The following NBPF9 variants were observed in gnomAD, a reference collection of about 807,000 sequenced individuals.
The protein encoded by NBPF9 is NBPF member 9, also known as NBPF family member NBPF9.
Under a neutral mutation model 97.8 loss-of-function variants are expected in NBPF9, and 91 were observed. That is an observed-to-expected ratio of 0.93 (90% CI 0.79 to 1.11). The LOEUF is 1.11. Ranked by LOEUF, NBPF9 falls within the 50% of genes least tolerant of loss-of-function variation. The pLI is 0.00. For synonymous variants in NBPF9, 334 were observed against 359.5 expected, an observed-to-expected ratio of 0.93 and a Z score of 0.80; for missense variants, 992 against 939.5, an observed-to-expected ratio of 1.06 and a Z score of -0.73.
exon 30 of NBPF9, chr1:149,055,355 A>C (rs1263234824): frequency 3.4e-6 from 2 of 587,332 alleles, no homozygotes; most frequent in Non-Finnish European, 5.8e-6. Context: ...ATGTCTGCAA[A>C]ATGAAATCCC....
At chr1:149,072,589 T>C in intron 14 of NBPF9, 129 bp downstream of exon 14, 1 of 1,433,394 alleles carries the variant, frequency 7.0e-7, no homozygotes, top group Non-Finnish European at 9.7e-7. Flanking sequence ...GAAGTCCTTG[T>C]CATGTCATGG....
chr1:149,097,076 G>A (rs587720911), intron 4 of NBPF9, among the ~76,000 whole-genome samples: 1 of 135,972 alleles, frequency 7.4e-6, no homozygotes, highest in South Asian at 2.3e-4. Flanking sequence ...GAAGGAGGAA[G>A]GGAGGAAGGA....
chr1:149,084,246 T>C (rs1553657762), intron 5 of NBPF9, among the ~76,000 whole-genome samples: 2 of 146,096 alleles, frequency 1.4e-5, no homozygotes, highest in African/African-American at 5.0e-5. Context: ...CACACGTATA[T>C]ATATATAATA....
At chr1:149,084,521 A>C (rs1428477287) in intron 5 of NBPF9, among the ~76,000 whole-genome samples, 1 of 147,546 alleles carries the variant, frequency 6.8e-6, no homozygotes, top group Admixed American at 6.7e-5. Flanking sequence ...ACCTGCATCG[A>C]GCTCTCCGCC....
intron 3 of NBPF9, among the ~76,000 whole-genome samples, chr1:149,099,908 A>G (rs1232535324): frequency 2.0e-5 from 3 of 149,634 alleles, no homozygotes; most frequent in Non-Finnish European, 3.0e-5. Context: ...CTTGAGCCTG[A>G]GAGGTCAAGG....
chr1:149,075,758 C>A, exon 12 of NBPF9: 1 of 1,586,006 alleles, frequency 6.3e-7, no homozygotes, highest in Middle Eastern at 2.0e-4. Flanking sequence ...GCTGGGGGCG[C>A]AATTTCTCAT....
At chr1:149,059,789 C>T in exon 25 of NBPF9, 1 of 529,240 alleles carries the variant, frequency 1.9e-6, no homozygotes. Context: ...TTTTCTTCCC[C>T]TTCCCCTTCT....
Position 149,073,612 on chromosome 1 carries a change from TTC to T in NBPF9, c.1091+154_1091+155del, listed in dbSNP as rs1209640933. Among the ~76,000 whole-genome samples the T allele has an allele frequency of 1.3e-5, 2 of 150,418 alleles. 1 individual carries two copies. Among genetic ancestry groups the T allele is most frequent in the Non-Finnish European group, 3.0e-5 (2 of 67,452 alleles). On this transcript the variant is annotated intron_variant, in intron 13 of 29. Transcript: ENST00000584027. ...AACCCATACATTTTTATTATCCTTC[TTC>T]TCTGTTTGATAAATATTTGTGTGTA...
chr1:149,062,446 A>T (rs1395329649), intron 21 of NBPF9, among the ~76,000 whole-genome samples, 181 bp from the exon 22 acceptor site: 2 of 144,230 alleles, frequency 1.4e-5, no homozygotes, highest in African/African-American at 2.6e-5. Context: ...AAAGAATGAA[A>T]GAGAAAGACA....
chr1:149,070,620 G>A (rs1334093707), intron 16 of NBPF9, among the ~76,000 whole-genome samples: 1 of 151,048 alleles, frequency 6.6e-6, no homozygotes, highest in Admixed American at 6.6e-5. Flanking sequence ...ATTGTTCAGG[G>A]ACAGATGACT....
intron 5 of NBPF9, among the ~76,000 whole-genome samples, chr1:149,087,177 G>T: frequency 6.6e-6 from 1 of 151,888 alleles, no homozygotes; most frequent in South Asian, 2.1e-4. Context: ...CTTCTTTTCT[G>T]AAGTATCTAA....
exon 13 of NBPF9, chr1:149,073,803 C>T (rs1553653606): frequency 1.3e-6 from 2 of 1,569,138 alleles, no homozygotes; most frequent in Non-Finnish European, 1.7e-6. Flanking sequence ...GCTCTGCAAG[C>T]TTCTCCTCCT....
At chr1:149,071,816 G>A (rs1327062422) in intron 14 of NBPF9, 140 bp from the exon 15 acceptor site, 5 of 635,476 alleles carry the variant, frequency 7.9e-6, no homozygotes, top group Non-Finnish European at 1.4e-5. Context: ...ATCTTTAACA[G>A]AATGCCCTGG....
chr1:149,054,137 G>T, exon 30 of NBPF9: 1 of 148,392 alleles, frequency 6.7e-6, no homozygotes, highest in Non-Finnish European at 1.5e-5. Context: ...AAAGTCCAGA[G>T]TGATAGGCAA....
intron 4 of NBPF9, among the ~76,000 whole-genome samples, chr1:149,097,794 A>G (rs2081885875): frequency 6.6e-6 from 1 of 152,150 alleles, no homozygotes; most frequent in South Asian, 2.1e-4. Context: ...TCAGTGAAAG[A>G]AGGCGTCCAC....
chr1:149,075,768 T>G, exon 12 of NBPF9: 1 of 1,586,422 alleles, frequency 6.3e-7, no homozygotes, highest in Non-Finnish European at 8.7e-7. Context: ...CAATTTCTCA[T>G]TGATTTCTAG....
chr1:149,089,717 G>C (rs587713074), intron 5 of NBPF9, among the ~76,000 whole-genome samples: 4 of 152,304 alleles, frequency 2.6e-5, no homozygotes, highest in Admixed American at 1.3e-4. Flanking sequence ...CAGGAGTCAA[G>C]ATATTGTTAT....
At chr1:149,084,059 G>A (rs587690566) in intron 5 of NBPF9, among the ~76,000 whole-genome samples, 6 of 150,666 alleles carry the variant, frequency 4.0e-5, no homozygotes, top group Non-Finnish European at 8.8e-5. Flanking sequence ...ATTTAGAAGC[G>A]GCGGTGCGAG....
At chr1:149,086,566 GAATTTAA>G (rs2081019517) in intron 5 of NBPF9, among the ~76,000 whole-genome samples, 1 of 152,072 alleles carries the variant, frequency 6.6e-6, no homozygotes, top group Non-Finnish European at 1.5e-5. Context: ...TAGATTAACT[GAATTTAA>G]CTGAGGTTCC....
Sources: allele counts gnomAD v4.1 joint callset (sites outside exome capture counted in the v4.1 genomes callset), GRCh38; gene constraint gnomAD v4.1.1; transcripts MANE v1.5; gene names NCBI Gene and HGNC (gene_info 2026-07-23, HGNC 2026-07-21).